IRAK1BP1: variants seen among roughly 807,000 people sequenced by gnomAD.
IRAK1BP1 encodes the protein interleukin-1 receptor-associated kinase 1-binding protein 1.
Under a neutral mutation model 28.0 loss-of-function variants are expected in IRAK1BP1, and 24 were observed. The ratio of observed to expected loss-of-function variants is 0.86; its 90% CI spans 0.62 to 1.20. The LOEUF is 1.20. Among genes scored for constraint, IRAK1BP1 ranks in the 50% most tolerant of loss-of-function variants. IRAK1BP1 has a pLI of 0.00. For synonymous variants in IRAK1BP1, 131 were observed against 116.3 expected (o/e 1.13, Z -0.81); for missense variants, 336 against 316.7 (o/e 1.06, Z -0.46).
In IRAK1BP1 at chr6:78,908,286, CGT is replaced by C. The variant is rs1443545558; in HGVS notation, c.*67+5178_*67+5179del. The stretch of plus-strand genomic sequence containing the variant: ...CAGGATGGTCTTGAACTCCTAACCT[CGT>C]GATCCACCCGCCTCAGCATCCCAAA... On this transcript the variant is annotated intron_variant and NMD_transcript_variant, in intron 4 of 4. Transcript: ENST00000606868. Among the ~76,000 whole-genome samples the C allele has an allele frequency of 2.0e-4, 30 of 152,172 alleles. No individual in the cohort carries two copies. In the South Asian group the frequency reaches 6.0e-3, roughly 31 times the overall value.
At chr6:78,879,612 AG>A (rs1309414988) in intron 1 of IRAK1BP1, among the ~76,000 whole-genome samples, 4 of 152,226 alleles carry the variant, frequency 2.6e-5, no homozygotes, top group African/African-American at 9.6e-5. Context: ...GCCTGTTACC[AG>A]GATAGAAGTC....
At chr6:78,932,601 T>C (rs1773088733) in intron 4 of IRAK1BP1, among the ~76,000 whole-genome samples, 1 of 152,022 alleles carries the variant, frequency 6.6e-6, no homozygotes, top group African/African-American at 2.4e-5. Context: ...GTATTTTTAG[T>C]AGAGACGGGG....
At position 78,940,743 on chromosome 6, in the gene IRAK1BP1, G is replaced by A; in HGVS notation, c.*68-4665G>A. 6.2e-7 allele frequency: 1 copy of A among 1,613,072 alleles called. No homozygotes were observed. Among genetic ancestry groups the A allele is most frequent in the South Asian group, 1.1e-5 (1 of 91,016 alleles). On this transcript the variant is annotated intron_variant and NMD_transcript_variant, in intron 4 of 4. Coordinates refer to the IRAK1BP1 transcript ENST00000606868. ...GCTTTTTCAGTCAACTTTCGGACTC[G>A]TCCTCTACTAGAAGTTCCAAAAGTT...
chr6:78,970,326 G>T, the IRAK1BP1 span, among the ~76,000 whole-genome samples: 1 of 151,962 alleles, frequency 6.6e-6, no homozygotes, highest in African/African-American at 2.4e-5. Context: ...TCTGTATTAA[G>T]ATTTGTGCAC....
At chr6:78,961,609 A>C in the IRAK1BP1 span, 1 of 1,429,342 alleles carries the variant, frequency 7.0e-7, no homozygotes, top group Non-Finnish European at 9.7e-7. Context: ...CAAAAAGTTG[A>C]GAAACACTGC....
chr6:78,897,097 T>G (rs1226724808), intron 2 of IRAK1BP1, among the ~76,000 whole-genome samples: 1 of 151,022 alleles, frequency 6.6e-6, no homozygotes, highest in Non-Finnish European at 1.5e-5. Context: ...AAAAAAAATT[T>G]TTTTAATTAG....
chr6:78,946,705 A>G (rs1189497470), downstream of IRAK1BP1: 5 of 1,541,232 alleles, frequency 3.2e-6, no homozygotes, highest in African/African-American at 7.2e-5. Flanking sequence ...AAAAGAAATT[A>G]AATACCTTGA....
the IRAK1BP1 span, among the ~76,000 whole-genome samples, chr6:78,963,666 T>C: frequency 6.6e-6 from 1 of 152,204 alleles, no homozygotes. Context: ...AATTTTTGAA[T>C]GTAGGAACAG....
In IRAK1BP1 at chr6:78,898,805, AT is replaced by A. The variant is rs890452632; in HGVS notation, c.*472del. On this transcript the variant is annotated 3_prime_UTR_variant, in exon 4 of 4. Coordinates refer to ENST00000369940, the MANE Select transcript of IRAK1BP1 (RefSeq NM_001010844.4). The stretch of plus-strand genomic sequence containing the variant: ...TTATGGAAAAGAATTCCTATATCCC[AT>A]CAAACCTAATAATTTTCCACAACTA... 1 of 152,178 alleles carries A rather than the reference AT, an allele frequency of 6.6e-6. No homozygotes were observed. The highest frequency in any genetic ancestry group is 2.4e-5 in the African/African-American group (1 of 41,456). 9.4% of individuals were successfully genotyped at this position (152,178 alleles called of 1,614,324 possible). A position where few individuals can be genotyped will look rare whatever the true frequency, so the allele number is the denominator to read the frequency against.
the IRAK1BP1 span, among the ~76,000 whole-genome samples, chr6:78,973,677 A>G: frequency 6.6e-6 from 1 of 151,166 alleles, no homozygotes; most frequent in East Asian, 1.9e-4. Flanking sequence ...AAAAGGATGG[A>G]GGAAGATGTA....
chr6:78,879,460 C>T (rs568062383), intron 1 of IRAK1BP1, among the ~76,000 whole-genome samples: 5 of 152,126 alleles, frequency 3.3e-5, no homozygotes, highest in Admixed American at 1.3e-4. Flanking sequence ...AGAAGCAATT[C>T]GATAAAGAAA....
the IRAK1BP1 span, among the ~76,000 whole-genome samples, chr6:78,962,466 A>G: frequency 6.6e-6 from 1 of 152,150 alleles, no homozygotes; most frequent in Non-Finnish European, 1.5e-5. Flanking sequence ...AAAATACTTC[A>G]GATTTGAATA....
chr6:78,941,926 C>A (rs1042046309), intron 4 of IRAK1BP1, among the ~76,000 whole-genome samples: 1 of 151,978 alleles, frequency 6.6e-6, no homozygotes, highest in Non-Finnish European at 1.5e-5. Context: ...AAATTCTAAA[C>A]CTGAAGGATC....
chr6:78,929,199 G>A (rs1308582371), intron 4 of IRAK1BP1, among the ~76,000 whole-genome samples: 1 of 151,942 alleles, frequency 6.6e-6, no homozygotes, highest in African/African-American at 2.4e-5. Flanking sequence ...ACTTGTTATT[G>A]GTCTGTTGAA....
chr6:78,958,529 CT>C, the IRAK1BP1 span: 1 of 1,570,204 alleles, frequency 6.4e-7, no homozygotes, highest in Non-Finnish European at 8.8e-7. Context: ...CACAATAGGG[CT>C]TCCAGGCTCA....
In IRAK1BP1 at chr6:78,885,371, GT is replaced by G. The variant is rs1562081072; in HGVS notation, c.316-4del. 3.2e-6 allele frequency: 5 copies of G among 1,547,562 alleles called. No individual in the cohort carries two copies. The highest frequency in any genetic ancestry group is 3.5e-6 in the Non-Finnish European group (4 of 1,128,474). On this transcript the variant is annotated splice_polypyrimidine_tract_variant and splice_region_variant and intron_variant, in intron 1 of 3. Transcript: ENST00000369940. ...GTAATCATACTCTTGGACTTTTTCTGTTTCAGGCAGAAAATATAACTGTGAC... is the reference window on the plus strand; with the variant it reads ...GTAATCATACTCTTGGACTTTTTCTGTTCAGGCAGAAAATATAACTGTGAC...
At chr6:78,908,917 TG>T (rs1423052089) in intron 4 of IRAK1BP1, among the ~76,000 whole-genome samples, 1 of 152,198 alleles carries the variant, frequency 6.6e-6, no homozygotes, top group African/African-American at 2.4e-5. Flanking sequence ...GGATCAATTC[TG>T]GGCCCACCTT....
chr6:78,868,303 T>C (rs1770662219), intron 1 of IRAK1BP1, among the ~76,000 whole-genome samples: 1 of 152,146 alleles, frequency 6.6e-6, no homozygotes, highest in South Asian at 2.1e-4. Context: ...AATTGGCAAG[T>C]GAAGAGCACG....
the IRAK1BP1 span, among the ~76,000 whole-genome samples, chr6:78,953,560 T>C: frequency 6.6e-6 from 1 of 152,104 alleles, no homozygotes; most frequent in Non-Finnish European, 1.5e-5. Flanking sequence ...CAGTCCCAGG[T>C]TTTTTGAAAG....
Sources: allele counts gnomAD v4.1 joint callset (sites outside exome capture counted in the v4.1 genomes callset), GRCh38; gene constraint gnomAD v4.1.1; transcripts MANE v1.5; gene names NCBI Gene and HGNC (gene_info 2026-07-23, HGNC 2026-07-21).